Variants in TPGS2 observed in about 807,000 individuals in gnomAD.
TPGS2 encodes polyglutamylase subunit 2.
Under a neutral mutation model 31.1 loss-of-function variants are expected in TPGS2, and 26 were observed. The observed-to-expected ratio is 0.84, with a 90% CI of 0.61 to 1.16. TPGS2 has a LOEUF of 1.16. Ranked by LOEUF, TPGS2 falls within the 50% of genes most tolerant of loss-of-function variation. The pLI is 0.00. For missense variants in TPGS2, 351 were observed against 363.8 expected (o/e 0.96, Z 0.29); for synonymous variants, 130 against 136.6 (o/e 0.95, Z 0.34).
chr18:36,784,802 C>G (rs562998095), intron 6 of TPGS2, among the ~76,000 whole-genome samples: 2 of 152,204 alleles, frequency 1.3e-5, no homozygotes, highest in African/African-American at 4.8e-5. Flanking sequence ...GCTTGTCTCA[C>G]TAGTTCCTGG....
chr18:36,801,597 G>A (rs1399650699), intron 4 of TPGS2, among the ~76,000 whole-genome samples: 6 of 152,166 alleles, frequency 3.9e-5, no homozygotes, highest in Non-Finnish European at 7.3e-5. Flanking sequence ...GCCTCCTAAA[G>A]TGCTGGGATT....
exon 7 of TPGS2, chr18:36,783,012 G>T: frequency 2.5e-6 from 1 of 398,438 alleles, no homozygotes; most frequent in Non-Finnish European, 4.4e-6. Context: ...TCAAGGAGCA[G>T]TCGGGGTGTG....
Position 36,795,879 on chromosome 18 carries a change from G to T in TPGS2, c.*926C>A. ...CAGGTGGAAAGCTTCTGTTAACAGTGTCTGGCACCATTAAAACTCTTTCTT... is the reference window on the plus strand; with the variant it reads ...CAGGTGGAAAGCTTCTGTTAACAGTTTCTGGCACCATTAAAACTCTTTCTT... On this transcript the variant is annotated 3_prime_UTR_variant, in exon 7 of 7. Transcript: ENST00000334295. The T allele has an allele frequency of 1.0e-6, 1 of 985,460 alleles. No individual in the cohort carries two copies. The highest frequency in any genetic ancestry group is 1.2e-6 in the Non-Finnish European group (1 of 829,942). The allele number at this position is 985,460 out of a possible 1,614,324, so 61.0% of individuals were successfully genotyped here.
downstream of TPGS2, chr18:36,789,664 C>A (rs1205448434): frequency 2.0e-5 from 3 of 150,008 alleles, no homozygotes; most frequent in Admixed American, 1.4e-4. Context: ...TGTGTCCCTA[C>A]CCAAATCTCA....
At chr18:36,800,171 G>C (rs187517503) in intron 5 of TPGS2, 27 bp downstream of exon 5, 1 of 1,602,678 alleles carries the variant, frequency 6.2e-7, no homozygotes, top group South Asian at 1.1e-5. Flanking sequence ...GCCAAACTAC[G>C]GGACCACGCT....
At chr18:36,781,797 A>G (rs1049498139), downstream of TPGS2, 2 of 985,420 alleles carry the variant, frequency 2.0e-6, no homozygotes. Context: ...AACCCCACTT[A>G]CGGAGACAGG....
At position 36,795,869 on chromosome 18, in the gene TPGS2, T is replaced by TGTTA. The variant is rs2044503143; in HGVS notation, c.*932_*935dup. The TGTTA allele has an allele frequency of 2.0e-6, 2 of 985,496 alleles. No individual in the cohort carries two copies. Among genetic ancestry groups the TGTTA allele is most frequent in the Non-Finnish European group, 2.4e-6 (2 of 829,940 alleles). The allele number at this position is 985,496 out of a possible 1,614,324, so 61.0% of individuals were successfully genotyped here. A position where few individuals can be genotyped will look rare whatever the true frequency, so the allele number is the denominator to read the frequency against. ...GCAGGCAGAGCAGGTGGAAAGCTTC[T>TGTTA]GTTAACAGTGTCTGGCACCATTAAA... is the stretch of plus-strand genomic sequence containing the variant. On this transcript the variant is annotated 3_prime_UTR_variant, in exon 7 of 7. Transcript: ENST00000334295.
At chr18:36,802,381 T>C (rs946480721) in intron 4 of TPGS2, among the ~76,000 whole-genome samples, 1 of 152,206 alleles carries the variant, frequency 6.6e-6, no homozygotes, top group Non-Finnish European at 1.5e-5. Context: ...TCCAGTCCTT[T>C]AAGACACGTT....
At chr18:36,798,270 T>C in intron 6 of TPGS2, 179 bp downstream of exon 6, 2 of 1,409,916 alleles carry the variant, frequency 1.4e-6, no homozygotes, top group Non-Finnish European at 1.9e-6. Flanking sequence ...CTTAACTAGA[T>C]GAGTAAAGTG....
chr18:36,798,298 C>A, intron 6 of TPGS2, 151 bp downstream of exon 6: 1 of 1,472,878 alleles, frequency 6.8e-7, no homozygotes, highest in Non-Finnish European at 9.0e-7. Context: ...CCATTGGAAT[C>A]ATCTGTCTTG....
rs1328894362 is a variant in TPGS2 at position 36,783,173 on chromosome 18, A to G, written c.658-42T>C. The G allele has an allele frequency of 1.8e-5, 7 of 397,754 alleles. No homozygotes were observed. The East Asian group carries it at 1.8e-4, about 10-fold the overall frequency. The allele number at this position is 397,754 out of a possible 1,614,324, so 24.6% of individuals were successfully genotyped here. The stretch of plus-strand genomic sequence containing the variant: ...TTTGCGTTGTTAAACTTAGTGGTTC[A>G]TTAGTTTTTAGTGAAACTAAAGGAT... On this transcript the variant is annotated intron_variant, in intron 6 of 6. Transcript: ENST00000587129.
intron 6 of TPGS2, among the ~76,000 whole-genome samples, chr18:36,788,052 T>C (rs944534452): frequency 3.3e-5 from 5 of 152,208 alleles, no homozygotes; most frequent in African/African-American, 1.2e-4. Flanking sequence ...GGTTAAACTA[T>C]ATGGACTTGT....
At position 36,805,504 on chromosome 18, in the gene TPGS2, T is replaced by C. The variant is rs768068824; in HGVS notation, c.254-2A>G. Reference sequence around the variant, plus strand: ...TGCTTCCCAGTGGAATGATGTGCTCTAGGGGAACATGCGTTAAGGAGAATT... The same window carrying C: ...TGCTTCCCAGTGGAATGATGTGCTCCAGGGGAACATGCGTTAAGGAGAATT... On this transcript the variant is annotated splice_acceptor_variant, in intron 3 of 6. Coordinates refer to ENST00000334295, the MANE Select transcript of TPGS2 (RefSeq NM_015476.4). LOFTEE classifies it high-confidence loss of function. The C allele has an allele frequency of 1.5e-5, 24 of 1,613,936 alleles. No individual in the cohort carries two copies. The highest frequency in any genetic ancestry group is 1.9e-5 in the Non-Finnish European group (23 of 1,179,936).
intron 2 of TPGS2, among the ~76,000 whole-genome samples, chr18:36,815,187 C>T (rs1215827427): frequency 6.6e-6 from 1 of 152,168 alleles, no homozygotes. Context: ...ACAGGCATTT[C>T]TGGAAGCAGG....
intron 6 of TPGS2, among the ~76,000 whole-genome samples, chr18:36,787,288 G>A (rs999993145): frequency 6.6e-6 from 1 of 152,186 alleles, no homozygotes; most frequent in Non-Finnish European, 1.5e-5. Flanking sequence ...TAAGCAGAGG[G>A]TTTGGCTTTT....
At position 36,828,798 on chromosome 18, in the gene TPGS2, A is replaced by G; in HGVS notation, c.-31T>C. The G allele has an allele frequency of 1.2e-6, 2 of 1,609,442 alleles. No homozygotes were observed. Among genetic ancestry groups the G allele is most frequent in the African/African-American group, 1.3e-5 (1 of 74,930 alleles). On this transcript the variant is annotated 5_prime_UTR_variant, in exon 1 of 7. Coordinates refer to ENST00000334295, the MANE Select transcript of TPGS2 (RefSeq NM_015476.4). Reference sequence around the variant, plus strand: ...GCGACCGCGATTCGCGCGCGGCGGGAGCGGGTGGAGGGCCGGACCCCGCCT... The same window carrying G: ...GCGACCGCGATTCGCGCGCGGCGGGGGCGGGTGGAGGGCCGGACCCCGCCT...
chr18:36,794,311 G>T lies in TPGS2; in HGVS notation c.*2494C>A, dbSNP rs1458522002. On this transcript the variant is annotated 3_prime_UTR_variant, in exon 7 of 7. Transcript: ENST00000334295. ...TCCTGCACTGAGTGGAGTCAGTCCT[G>T]CTCTTCCCTGCTCACTCCTTCTGAG... is the stretch of plus-strand genomic sequence containing the variant. 1.0e-6 allele frequency: 1 copy of T among 985,282 alleles called. No homozygotes were observed. The highest frequency in any genetic ancestry group is 1.2e-6 in the Non-Finnish European group (1 of 829,930). 61.0% of individuals were successfully genotyped at this position (985,282 alleles called of 1,614,324 possible). A position where few individuals can be genotyped will look rare whatever the true frequency, so the allele number is the denominator to read the frequency against.
intron 3 of TPGS2, 56 bp downstream of exon 3, chr18:36,807,791 T>G: frequency 6.5e-7 from 1 of 1,545,628 alleles, no homozygotes; most frequent in Non-Finnish European, 8.9e-7. Context: ...CCCTCAGAGT[T>G]GTCCCATTCA....
At chr18:36,827,345 G>A (rs575785769) in intron 1 of TPGS2, among the ~76,000 whole-genome samples, 11 of 152,300 alleles carry the variant, frequency 7.2e-5, no homozygotes, top group Non-Finnish European at 1.3e-4. Flanking sequence ...CAAGAAAGAC[G>A]GCGGTTATTC....
Sources: allele counts gnomAD v4.1 joint callset (sites outside exome capture counted in the v4.1 genomes callset), GRCh38; gene constraint gnomAD v4.1.1; transcripts MANE v1.5; gene names NCBI Gene and HGNC (gene_info 2026-07-23, HGNC 2026-07-21).